The following IPO5 variants were observed in gnomAD, a reference collection of about 807,000 sequenced individuals.
IPO5 encodes importin-5.
Under a neutral mutation model 143.3 loss-of-function variants are expected in IPO5, and 18 were observed. The ratio of observed to expected loss-of-function variants is 0.13; its 90% CI spans 0.09 to 0.19. The LOEUF (loss-of-function observed/expected upper bound fraction) is 0.19, where lower values mean the gene tolerates loss of function less well. Among genes scored for constraint, IPO5 ranks in the 10% least tolerant of loss-of-function variants. IPO5 has a pLI of 1.00. For synonymous variants in IPO5, 477 were observed against 465.7 expected, an observed-to-expected ratio of 1.02 and a Z score of -0.31; for missense variants, 1,013 against 1,336.9, an observed-to-expected ratio of 0.76 and a Z score of 3.78.
intron 17 of IPO5, 150 bp from the exon 18 acceptor site, chr13:98,007,909 A>G: frequency 1.7e-6 from 1 of 585,092 alleles, no homozygotes; most frequent in Non-Finnish European, 3.1e-6. Context: ...ATCTGTCACA[A>G]TATAGATGAG....
intron 27 of IPO5, among the ~76,000 whole-genome samples, chr13:98,020,186 G>A (rs1890383499): frequency 6.6e-6 from 1 of 152,174 alleles, no homozygotes; most frequent in Non-Finnish European, 1.5e-5. Flanking sequence ...TGGGATTACA[G>A]GCATGAGCCA....
intron 27 of IPO5, among the ~76,000 whole-genome samples, chr13:98,020,684 T>C (rs1446194883): frequency 1.3e-5 from 2 of 152,260 alleles, no homozygotes; most frequent in African/African-American, 4.8e-5. Flanking sequence ...TTTTAGAAGC[T>C]ATTTTGTAGT....
At chr13:97,958,472 C>T (rs1439343242) in intron 2 of IPO5, among the ~76,000 whole-genome samples, 1 of 152,110 alleles carries the variant, frequency 6.6e-6, no homozygotes, top group East Asian at 1.9e-4. Context: ...ATTCCAGAAG[C>T]TTAAGTGTCA....
Position 97,967,844 on chromosome 13 carries a change from G to A in IPO5, c.-112-1879G>A, listed in dbSNP as rs893213415. On this transcript the variant is annotated intron_variant, in intron 2 of 28. Transcript: ENST00000651721. ...GACGGCGTTTCACCATGTTAGCCAG[G>A]ATGGTCTTGATCTCCTGACCTTGTG... Among the ~76,000 whole-genome samples the A allele has an allele frequency of 3.3e-5, 5 of 152,132 alleles. 1 individual carries two copies. Among genetic ancestry groups the A allele is most frequent in the African/African-American group, 1.2e-4 (5 of 41,410 alleles).
At position 98,014,201 on chromosome 13, in the gene IPO5, A is replaced by G; in HGVS notation, c.2312A>G (p.His771Arg). The G allele has an allele frequency of 1.2e-6, 2 of 1,608,008 alleles. No individual in the cohort carries two copies. Among genetic ancestry groups the G allele is most frequent in the Non-Finnish European group, 1.7e-6 (2 of 1,175,796 alleles). Residue 771 changes from histidine to arginine, a missense_variant, in exon 22 of 29, where the codon CAT becomes CGT. Around this residue, in one of 2 missense-constraint regions of IPO5, gnomAD observed 685 missense variants for 994.9 expected, o/e 0.69. Transcript: ENST00000651721. ...TCAGACGTCCTCTCAGAAATAATGC[A>G]TTCTTTTGCAAAGGTGAATATTTTT... ...PDSDVLSEIM[H>R]SFAKCIEVMG...
chr13:97,959,108 G>A (rs1020522590), intron 2 of IPO5, among the ~76,000 whole-genome samples: 2 of 151,712 alleles, frequency 1.3e-5, no homozygotes, highest in South Asian at 4.2e-4. Flanking sequence ...GGAGGCAGAG[G>A]TTGAAGTGAA....
At chr13:97,967,195 T>C (rs2139530072) in intron 2 of IPO5, among the ~76,000 whole-genome samples, 1 of 152,314 alleles carries the variant, frequency 6.6e-6, no homozygotes, top group East Asian at 1.9e-4. Flanking sequence ...CACAATTGGG[T>C]ACAGTATTCT....
intron 17 of IPO5, among the ~76,000 whole-genome samples, chr13:98,006,662 C>G (rs1028027876): frequency 6.6e-6 from 1 of 151,964 alleles, no homozygotes; most frequent in African/African-American, 2.4e-5. Context: ...GCGTGAGCCA[C>G]TGTGCCCGGC....
intron 1 of IPO5, 112 bp downstream of exon 1, chr13:97,953,828 G>A (rs1017927743): frequency 9.2e-6 from 4 of 436,606 alleles, no homozygotes; most frequent in Non-Finnish European, 1.4e-5. Flanking sequence ...TGAGATCCAG[G>A]AGGTCCCTTT....
At chr13:97,965,440 G>C (rs569070094) in intron 2 of IPO5, among the ~76,000 whole-genome samples, 5 of 152,112 alleles carry the variant, frequency 3.3e-5, no homozygotes, top group Non-Finnish European at 7.4e-5. Flanking sequence ...GATTAAGGGA[G>C]GGAGGTATCA....
chr13:98,022,635 G>C lies in IPO5; in HGVS notation c.*813G>C, dbSNP rs1162541993. On this transcript the variant is annotated 3_prime_UTR_variant, in exon 29 of 29. Transcript: ENST00000651721. Reference sequence around the variant, plus strand: ...TTTTCCTTGTGCAATTCAGACTTAAGCATCGAGTTTTTACCATCTTCCACT... The same window carrying C: ...TTTTCCTTGTGCAATTCAGACTTAACCATCGAGTTTTTACCATCTTCCACT... 1 of 152,100 alleles carries C rather than the reference G, an allele frequency of 6.6e-6. No individual in the cohort carries two copies. The highest frequency in any genetic ancestry group is 1.5e-5 in the Non-Finnish European group (1 of 68,034). 9.4% of individuals were successfully genotyped at this position (152,100 alleles called of 1,614,324 possible). A position where few individuals can be genotyped will look rare whatever the true frequency, so the allele number is the denominator to read the frequency against.
Position 97,989,088 on chromosome 13 carries a change from G to A in IPO5, c.391G>A (p.Glu131Lys), listed in dbSNP as rs780861333. Residue 131 changes from glutamate to lysine, a missense_variant, in exon 7 of 29, where the codon GAA becomes AAA. This residue lies in a region of IPO5 where 328 missense variants were observed against 342.0 expected (regional missense o/e 0.96). Coordinates refer to ENST00000651721, the MANE Select transcript of IPO5 (RefSeq NM_002271.6). ...IDEDGNNQWP[E>K]GLKFLFDSVS... ...TGAGGATGGCAATAACCAGTGGCCC[G>A]AAGGTTTGAAGTTCCTTTTTGATTC... is the stretch of plus-strand genomic sequence containing the variant. The A allele has an allele frequency of 1.9e-6, 3 of 1,613,116 alleles. No individual in the cohort carries two copies. Among genetic ancestry groups the A allele is most frequent in the South Asian group, 1.1e-5 (1 of 91,036 alleles).
intron 3 of IPO5, among the ~76,000 whole-genome samples, chr13:97,971,720 A>T (rs1402864421): frequency 6.6e-6 from 1 of 152,176 alleles, no homozygotes; most frequent in Non-Finnish European, 1.5e-5. Flanking sequence ...AGGCCGAGGT[A>T]GGAGGATCGC....
At chr13:97,979,847 C>A (rs1186613180) in intron 4 of IPO5, 3 of 455,708 alleles carry the variant, frequency 6.6e-6, no homozygotes, top group Non-Finnish European at 1.3e-5. Flanking sequence ...TTTCAATAGA[C>A]AGAGGATAAC....
chr13:97,973,945 G>A (rs561161962), intron 3 of IPO5, among the ~76,000 whole-genome samples: 1 of 152,262 alleles, frequency 6.6e-6, no homozygotes, highest in South Asian at 2.1e-4. Context: ...GCTTGTGCCT[G>A]CAGACCAGCT....
chr13:97,999,379 T>C, intron 12 of IPO5, among the ~76,000 whole-genome samples: 1 of 152,124 alleles, frequency 6.6e-6, no homozygotes, highest in East Asian at 1.9e-4. Flanking sequence ...CAGGGCTAGG[T>C]CGAATTTCCT....
intron 27 of IPO5, among the ~76,000 whole-genome samples, chr13:98,020,490 A>G (rs1480667764): frequency 1.3e-5 from 2 of 152,208 alleles, no homozygotes; most frequent in Admixed American, 6.5e-5. Context: ...TACATCTGAA[A>G]TGACCAGGTC....
At chr13:97,993,909 A>G (rs1368146863) in intron 11 of IPO5, among the ~76,000 whole-genome samples, 1 of 152,240 alleles carries the variant, frequency 6.6e-6, no homozygotes, top group African/African-American at 2.4e-5. Context: ...TTTTAGAAAC[A>G]TTCCCATTTA....
In IPO5 at chr13:97,995,107, G is replaced by C. The variant is rs1489266275; in HGVS notation, c.913+1882G>C. Among the ~76,000 whole-genome samples the C allele has an allele frequency of 4.0e-5, 6 of 149,806 alleles. 1 individual carries two copies. The highest frequency in any genetic ancestry group is 6.6e-5 in the Admixed American group (1 of 15,100). On this transcript the variant is annotated intron_variant, in intron 11 of 28. Transcript: ENST00000651721. ...ACCATTGCACTCCGGCCTGGGTGAC[G>C]GAGTGAGACCCTGTCTCAAAAAAAA...
Sources: allele counts gnomAD v4.1 joint callset (sites outside exome capture counted in the v4.1 genomes callset), GRCh38; gene constraint gnomAD v4.1.1; regional missense constraint gnomAD v4.1.1; transcripts MANE v1.5; gene names NCBI Gene and HGNC (gene_info 2026-07-23, HGNC 2026-07-21).